SHANK2: variants seen among roughly 807,000 people sequenced by gnomAD.
SHANK2 encodes SH3 and multiple ankyrin repeat domains protein 2.
In SHANK2, 43 loss-of-function variants were observed where a neutral mutation model predicts 133.7. That is an observed-to-expected ratio of 0.32 (90% CI 0.25 to 0.41). SHANK2 has a LOEUF of 0.41. Ranked by LOEUF, SHANK2 falls within the 10% of genes least tolerant of loss-of-function variation. The pLI, the probability that SHANK2 is intolerant of heterozygous loss-of-function variation, is 1.00. For missense variants in SHANK2, 1,994 were observed against 2,235.8 expected, an observed-to-expected ratio of 0.89 and a Z score of 2.18; for synonymous variants, 1,017 against 952.8, an observed-to-expected ratio of 1.07 and a Z score of -1.24.
intron 14 of SHANK2, among the ~76,000 whole-genome samples, chr11:70,794,289 A>AG (rs1344629992): frequency 6.6e-6 from 1 of 151,674 alleles, no homozygotes; most frequent in African/African-American, 2.4e-5. Context: ...AAAAAAAAAA[A>AG]AAAACAACAT....
chr11:71,237,861 C>A (rs1954842830), intron 1 of SHANK2, among the ~76,000 whole-genome samples: 1 of 152,178 alleles, frequency 6.6e-6, no homozygotes, highest in African/African-American at 2.4e-5. Flanking sequence ...TTAGGAAAAG[C>A]CACTGAGGGC....
At chr11:71,198,293 C>A (rs1555116532) in intron 2 of SHANK2, among the ~76,000 whole-genome samples, 1 of 152,028 alleles carries the variant, frequency 6.6e-6, no homozygotes, top group South Asian at 2.1e-4. Flanking sequence ...GGTGCTGGGG[C>A]CTCCTGCCCA....
intron 12 of SHANK2, among the ~76,000 whole-genome samples, chr11:70,808,561 CAAAAAAAAAA>C (rs57089863): frequency 5.8e-4 from 54 of 93,142 alleles, no homozygotes; most frequent in African/African-American, 2.3e-3. Context: ...CCTATTTCTA[CAAAAAAAAAA>C]AAAAAAAAAA....
intron 10 of SHANK2, chr11:70,952,669 C>G (rs968761955): frequency 3.1e-6 from 1 of 321,790 alleles, no homozygotes; most frequent in Non-Finnish European, 6.8e-6. Flanking sequence ...AAGCTGCTGA[C>G]GATTTTCATG....
chr11:70,763,477 C>G (rs945041686), intron 14 of SHANK2, among the ~76,000 whole-genome samples: 1 of 152,108 alleles, frequency 6.6e-6, no homozygotes, highest in Non-Finnish European at 1.5e-5. Context: ...AGAAGTTGGA[C>G]GTTCTCATGA....
At chr11:71,090,253 A>T (rs1386048512) in intron 8 of SHANK2, among the ~76,000 whole-genome samples, 1 of 52,324 alleles carries the variant, frequency 1.9e-5, no homozygotes, top group African/African-American at 8.9e-5. Flanking sequence ...TCTCCAGAGA[A>T]ACACAACCTC....
At chr11:70,540,152 G>A (rs1554974908) in intron 17 of SHANK2, among the ~76,000 whole-genome samples, 3 of 152,172 alleles carry the variant, frequency 2.0e-5, no homozygotes, top group African/African-American at 7.2e-5. Flanking sequence ...TGAGGTAATG[G>A]GGGTTAGGGC....
At chr11:70,786,052 C>T (rs1373012707) in intron 14 of SHANK2, among the ~76,000 whole-genome samples, 1 of 152,178 alleles carries the variant, frequency 6.6e-6, no homozygotes, top group South Asian at 2.1e-4. Flanking sequence ...CAGCCCAAGT[C>T]TCCTCTCAGG....
rs55862093 is a variant in SHANK2, at chr11:70,837,975, C to CAAAAAAAAAAAAAAAA, written c.1175-17309_1175-17294dup. 6.8e-4 allele frequency among the ~76,000 whole-genome samples: 17 copies of CAAAAAAAAAAAAAAAA among 25,176 alleles called. 1 individual carries two copies. The highest frequency in any genetic ancestry group is 8.1e-4 in the Non-Finnish European group (10 of 12,374). 16.5% of individuals were successfully genotyped at this position (25,176 alleles called of 152,430 possible). The stretch of plus-strand genomic sequence containing the variant: ...GGCAACAGAGCAAAACATTCTGTCT[C>CAAAAAAAAAAAAAAAA]AAAAAAAAAAAAAAAAAAAAAAAAA... On this transcript the variant is annotated intron_variant, in intron 11 of 25. Transcript: ENST00000601538.
chr11:70,859,994 G>A (rs539973755), intron 11 of SHANK2, among the ~76,000 whole-genome samples: 1 of 152,126 alleles, frequency 6.6e-6, no homozygotes, highest in African/African-American at 2.4e-5. Flanking sequence ...CAGCGCCCAG[G>A]CTTGGCAGTC....
intron 14 of SHANK2, among the ~76,000 whole-genome samples, chr11:70,792,007 T>G (rs566528858): frequency 6.6e-6 from 1 of 152,290 alleles, no homozygotes; most frequent in East Asian, 1.9e-4. Context: ...CCACTATATC[T>G]TGAAGGCATA....
chr11:71,233,399 G>A (rs1447409257), intron 1 of SHANK2, among the ~76,000 whole-genome samples: 3 of 152,190 alleles, frequency 2.0e-5, no homozygotes, highest in Non-Finnish European at 2.9e-5. Context: ...TTCCATTTAC[G>A]TAAGATGCTC....
intron 17 of SHANK2, among the ~76,000 whole-genome samples, chr11:70,529,660 A>G (rs2059443244): frequency 6.6e-6 from 1 of 151,770 alleles, no homozygotes; most frequent in Non-Finnish European, 1.5e-5. Context: ...TGTTTTTGTC[A>G]CCCCAGAAGG....
At chr11:71,204,263 G>C (rs1024861841) in intron 2 of SHANK2, among the ~76,000 whole-genome samples, 1 of 152,188 alleles carries the variant, frequency 6.6e-6, no homozygotes, top group East Asian at 1.9e-4. Context: ...CCATGGAAAT[G>C]ATCTGGAAGG....
At chr11:71,204,285 A>G (rs4362169) in intron 2 of SHANK2, among the ~76,000 whole-genome samples, 46,073 of 152,188 alleles carry the variant, frequency 0.3, 9,058 homozygotes, top group African/African-American at 0.54. Flanking sequence ...GCGTGCTCAC[A>G]TGGTAACTGC....
At chr11:70,524,223 C>T (rs530339872) in intron 17 of SHANK2, among the ~76,000 whole-genome samples, 1 of 152,160 alleles carries the variant, frequency 6.6e-6, no homozygotes, top group Non-Finnish European at 1.5e-5. Context: ...AAGAGCAGTC[C>T]CACCCCCTGG....
At chr11:70,781,320 G>A (rs1022968177) in intron 14 of SHANK2, among the ~76,000 whole-genome samples, 4 of 151,614 alleles carry the variant, frequency 2.6e-5, no homozygotes, top group Non-Finnish European at 5.9e-5. Context: ...GGCACTGGCT[G>A]GTGTTGGAAT....
intron 1 of SHANK2, among the ~76,000 whole-genome samples, chr11:71,247,166 A>G: frequency 6.6e-6 from 1 of 152,224 alleles, no homozygotes; most frequent in Non-Finnish European, 1.5e-5. Context: ...AAAATGTCCT[A>G]AAGCTCACTT....
intron 11 of SHANK2, among the ~76,000 whole-genome samples, chr11:70,865,417 A>G (rs1246517018): frequency 4.6e-5 from 7 of 152,204 alleles, no homozygotes; most frequent in Non-Finnish European, 8.8e-5. Flanking sequence ...TTCTGAAGGG[A>G]CAAGGAGAAG....
Sources: gnomAD v4.1 joint callset for allele counts (sites outside exome capture counted in the v4.1 genomes callset) on GRCh38, gnomAD v4.1.1 for gene constraint, MANE v1.5 for transcripts, NCBI Gene and HGNC (gene_info 2026-07-23, HGNC 2026-07-21) for gene names.